The following BNC2 variants were observed in gnomAD, a reference collection of about 807,000 sequenced individuals.
The protein encoded by BNC2 is zinc finger protein basonuclin-2.
BNC2 carries 20 observed loss-of-function variants against 76.3 expected under a neutral mutation model. The observed-to-expected ratio is 0.26, with a 90% CI of 0.18 to 0.38. The LOEUF (loss-of-function observed/expected upper bound fraction) is 0.38, where lower values mean the gene tolerates loss of function less well. Among genes scored for constraint, BNC2 ranks in the 10% least tolerant of loss-of-function variants. BNC2 has a pLI of 1.00. For synonymous variants in BNC2, 582 were observed against 514.8 expected (o/e 1.13, Z -1.77); for missense variants, 1,382 against 1,399.8 (o/e 0.99, Z 0.20).
At chr9:16,839,208 G>C (rs1345087885) in intron 1 of BNC2, among the ~76,000 whole-genome samples, 1 of 152,168 alleles carries the variant, frequency 6.6e-6, no homozygotes, top group African/African-American at 2.4e-5. Context: ...TTCTGCAACA[G>C]TTTGTATATA....
intron 3 of BNC2, among the ~76,000 whole-genome samples, chr9:16,705,718 G>T (rs1356541562): frequency 6.6e-6 from 1 of 151,340 alleles, no homozygotes; most frequent in Admixed American, 6.6e-5. Context: ...CATTTGCATT[G>T]ATAATTATGT....
chr9:16,692,689 T>G (rs979128869), intron 3 of BNC2, among the ~76,000 whole-genome samples: 2 of 152,050 alleles, frequency 1.3e-5, no homozygotes, highest in Non-Finnish European at 2.9e-5. Flanking sequence ...TATAAGCAAC[T>G]GGGGAAACTA....
chr9:16,830,634 G>A (rs1443169994), intron 1 of BNC2, among the ~76,000 whole-genome samples: 1 of 152,146 alleles, frequency 6.6e-6, no homozygotes, highest in Non-Finnish European at 1.5e-5. Flanking sequence ...TTCATTCAAG[G>A]TGATTGCCAA....
intron 5 of BNC2, among the ~76,000 whole-genome samples, chr9:16,527,159 G>A (rs577925294): frequency 2.6e-5 from 4 of 152,170 alleles, no homozygotes; most frequent in Non-Finnish European, 4.4e-5. Context: ...CACATCTTCC[G>A]CATGATAGCT....
intron 1 of BNC2, among the ~76,000 whole-genome samples, chr9:16,784,939 A>AAT (rs1197728050): frequency 6.6e-6 from 1 of 152,230 alleles, no homozygotes; most frequent in African/African-American, 2.4e-5. Flanking sequence ...AGAAGAAATA[A>AAT]GATGACGATC....
chr9:16,859,848 C>A (rs1293153543), intron 1 of BNC2, among the ~76,000 whole-genome samples: 1 of 152,340 alleles, frequency 6.6e-6, no homozygotes, highest in East Asian at 1.9e-4. Context: ...GGGCCAGGCA[C>A]GGCGGCTCAC....
At chr9:16,793,584 G>C (rs1005119124) in intron 1 of BNC2, among the ~76,000 whole-genome samples, 1 of 151,082 alleles carries the variant, frequency 6.6e-6, no homozygotes, top group African/African-American at 2.4e-5. Flanking sequence ...TTACAGGTGG[G>C]TGCCACTATG....
chr9:16,605,634 A>C (rs1230273630), intron 3 of BNC2, among the ~76,000 whole-genome samples: 1 of 152,234 alleles, frequency 6.6e-6, no homozygotes, highest in Non-Finnish European at 1.5e-5. Flanking sequence ...TTGCCAAAGA[A>C]AGAACTCAAA....
intron 1 of BNC2, among the ~76,000 whole-genome samples, chr9:16,858,105 G>C (rs1449231339): frequency 6.6e-6 from 1 of 152,098 alleles, no homozygotes; most frequent in African/African-American, 2.4e-5. Flanking sequence ...ATAATTTTTA[G>C]TTTTATCTCT....
chr9:16,717,811 T>TA (rs948815356), intron 3 of BNC2, among the ~76,000 whole-genome samples: 10 of 152,056 alleles, frequency 6.6e-5, no homozygotes, highest in African/African-American at 2.4e-4. Context: ...TCTGCAGTTG[T>TA]AAAAAAAATT....
At chr9:16,850,917 T>C (rs1477698550) in intron 1 of BNC2, among the ~76,000 whole-genome samples, 1 of 152,112 alleles carries the variant, frequency 6.6e-6, no homozygotes, top group Non-Finnish European at 1.5e-5. Flanking sequence ...TCATGGAAGA[T>C]TTGCTAGCAC....
chr9:16,761,939 A>G (rs548393646), intron 1 of BNC2, among the ~76,000 whole-genome samples: 6 of 152,330 alleles, frequency 3.9e-5, no homozygotes, highest in Admixed American at 2.6e-4. Flanking sequence ...AACAGAAGTA[A>G]AATTTATCAT....
chr9:16,561,619 G>A (rs7862158), intron 4 of BNC2, among the ~76,000 whole-genome samples: 4,639 of 152,142 alleles, frequency 0.03, 243 homozygotes, highest in African/African-American at 0.11. Context: ...ACAAAATAAA[G>A]GTAGATACTT....
intron 1 of BNC2, among the ~76,000 whole-genome samples, chr9:16,771,198 T>C (rs937749032): frequency 1.3e-5 from 2 of 152,074 alleles, no homozygotes; most frequent in African/African-American, 4.8e-5. Flanking sequence ...CAAGGATACC[T>C]AATATGGAGT....
intron 3 of BNC2, among the ~76,000 whole-genome samples, chr9:16,654,906 T>C (rs1821886016): frequency 6.6e-6 from 1 of 152,148 alleles, no homozygotes; most frequent in Non-Finnish European, 1.5e-5. Context: ...CTACTGTAAC[T>C]GTTGCTGATG....
intron 1 of BNC2, among the ~76,000 whole-genome samples, chr9:16,772,999 T>C (rs1426907494): frequency 6.6e-6 from 1 of 152,172 alleles, no homozygotes; most frequent in Admixed American, 6.5e-5. Context: ...ATGAACCTGT[T>C]TGCAATAAGA....
intron 3 of BNC2, among the ~76,000 whole-genome samples, chr9:16,642,602 G>C (rs917225800): frequency 1.3e-5 from 2 of 152,102 alleles, no homozygotes; most frequent in Non-Finnish European, 2.9e-5. Flanking sequence ...TCTACAACTA[G>C]TGGCCAAGCG....
chr9:16,627,537 T>C (rs1219290504), intron 3 of BNC2, among the ~76,000 whole-genome samples: 2 of 152,152 alleles, frequency 1.3e-5, no homozygotes, highest in Non-Finnish European at 2.9e-5. Context: ...ATTACAGAGA[T>C]ACTGTGATGC....
At chr9:16,774,969 A>G (rs1825924982) in intron 1 of BNC2, among the ~76,000 whole-genome samples, 2 of 152,216 alleles carry the variant, frequency 1.3e-5, no homozygotes, top group South Asian at 4.1e-4. Context: ...TCTGTCATGT[A>G]CAACAGTAAA....
Sources: allele counts gnomAD v4.1 joint callset (sites outside exome capture counted in the v4.1 genomes callset), GRCh38; gene constraint gnomAD v4.1.1; transcripts MANE v1.5; gene names NCBI Gene and HGNC (gene_info 2026-07-23, HGNC 2026-07-21).